Variants in TRDN observed in about 807,000 individuals in gnomAD.
TRDN encodes triadin.
In TRDN, 161 loss-of-function variants were observed where a neutral mutation model predicts 149.7. The ratio of observed to expected loss-of-function variants is 1.08; its 90% confidence interval spans 0.95 to 1.23. The LOEUF is 1.23. Among genes scored for constraint, TRDN ranks in the 50% most tolerant of loss-of-function variants. The probability of loss-of-function intolerance (pLI) is 0.00; values close to 1 mark genes in which losing one functional copy is unlikely to be tolerated. For synonymous variants in TRDN, 294 were observed against 250.5 expected (o/e 1.17, Z -1.64); for missense variants, 896 against 823.5 (o/e 1.09, Z -1.08).
At chr6:123,585,596 G>A (rs1014945155) in intron 1 of TRDN, among the ~76,000 whole-genome samples, 2 of 152,196 alleles carry the variant, frequency 1.3e-5, no homozygotes, top group Non-Finnish European at 2.9e-5. Context: ...GAGTCTGAGA[G>A]CCTTGGGCCA....
chr6:123,353,082 A>G (rs1410763817), intron 20 of TRDN, among the ~76,000 whole-genome samples: 3 of 151,830 alleles, frequency 2.0e-5, no homozygotes, highest in Non-Finnish European at 4.4e-5. Flanking sequence ...TGGGTGCTGT[A>G]CCCCTTTCTC....
At chr6:123,269,795 A>G in intron 31 of TRDN, 54 bp downstream of exon 31, 1 of 1,583,788 alleles carries the variant, frequency 6.3e-7, no homozygotes, top group Non-Finnish European at 8.6e-7. Flanking sequence ...CAAAATTGTT[A>G]AAGCTGAAAT....
chr6:123,440,115 T>A (rs1171180687), intron 10 of TRDN, among the ~76,000 whole-genome samples: 1 of 152,162 alleles, frequency 6.6e-6, no homozygotes, highest in Non-Finnish European at 1.5e-5. Flanking sequence ...AGGAATTAAC[T>A]CATTCCCATA....
At chr6:123,404,578 A>G (rs151278036) in intron 12 of TRDN, among the ~76,000 whole-genome samples, 1,734 of 152,136 alleles carry the variant, frequency 0.011, 30 homozygotes, top group African/African-American at 0.039. Flanking sequence ...CCTCCCAAGT[A>G]GCTGGGATTA....
intron 4 of TRDN, among the ~76,000 whole-genome samples, chr6:123,536,947 AT>A (rs1488049062): frequency 2.1e-4 from 32 of 152,064 alleles, no homozygotes; most frequent in African/African-American, 7.7e-4. Context: ...AGTTTTTTAT[AT>A]TTCAGAAATT....
chr6:123,459,972 T>C (rs1776357706), intron 10 of TRDN, among the ~76,000 whole-genome samples: 1 of 152,186 alleles, frequency 6.6e-6, no homozygotes. Context: ...TAAAATGTGA[T>C]TGTTTAAAAG....
In TRDN at chr6:123,342,234, C is replaced by T. The variant is rs577924850; in HGVS notation, c.1370-4565G>A. On this transcript the variant is annotated intron_variant, in intron 21 of 40. Transcript: ENST00000334268. ...AAAGATATAAAAACATAAAATTAGC[C>T]CTCCTTTATTTGATAAGAAATTAGA... Among the ~76,000 whole-genome samples, 12 of 151,808 alleles carry T rather than the reference C, an allele frequency of 7.9e-5. No individual in the cohort carries two copies. The East Asian group carries it at 2.3e-3, about 29-fold the overall frequency.
chr6:123,465,966 A>C (rs1776779518), intron 9 of TRDN, among the ~76,000 whole-genome samples: 1 of 152,240 alleles, frequency 6.6e-6, no homozygotes, highest in Admixed American at 6.5e-5. Context: ...AAGTAATTAG[A>C]GTTGCACAAA....
rs991092090 is a variant in TRDN, at chr6:123,584,593, C to T, written c.23-13461G>A. On this transcript the variant is annotated intron_variant, in intron 1 of 40. Coordinates refer to ENST00000334268, the MANE Select transcript of TRDN (RefSeq NM_006073.4). ...CACGTGTGTTTTTATGAGATTATGC[C>T]GAGATAGGTAACAGATGAGGATGAA... Among the ~76,000 whole-genome samples the T allele has an allele frequency of 1.5e-4, 23 of 152,076 alleles. No individual in the cohort carries two copies. The East Asian group carries it at 2.1e-3, about 14-fold the overall frequency.
chr6:123,409,715 A>ACACACACACACC (rs35355392), intron 12 of TRDN, among the ~76,000 whole-genome samples: 13 of 151,488 alleles, frequency 8.6e-5, no homozygotes, highest in African/African-American at 3.1e-4. Context: ...ACACACACAC[A>ACACACACACACC]CCCAAAACTC....
At chr6:123,632,801 T>C (rs780256866) in intron 1 of TRDN, among the ~76,000 whole-genome samples, 4 of 151,986 alleles carry the variant, frequency 2.6e-5, no homozygotes, top group Non-Finnish European at 4.4e-5. Flanking sequence ...TCTGTCATGC[T>C]AGATGATATA....
intron 9 of TRDN, among the ~76,000 whole-genome samples, chr6:123,489,315 C>CA (rs1562342590): frequency 6.6e-6 from 1 of 151,604 alleles, no homozygotes; most frequent in Admixed American, 6.6e-5. Context: ...AACTGAGATT[C>CA]AAAAAAACAA....
chr6:123,306,213 CA>C (rs1778604964), intron 24 of TRDN, among the ~76,000 whole-genome samples: 1 of 152,034 alleles, frequency 6.6e-6, no homozygotes, highest in Non-Finnish European at 1.5e-5. Context: ...GGGATCCAGC[CA>C]AATCTGCCCT....
At chr6:123,526,089 A>T (rs149120194) in intron 5 of TRDN, among the ~76,000 whole-genome samples, 1,924 of 152,166 alleles carry the variant, frequency 0.013, 10 homozygotes, top group Middle Eastern at 0.054. Flanking sequence ...GCCATCTGAC[A>T]CATCTACCAA....
intron 37 of TRDN, 75 bp from the exon 38 acceptor site, chr6:123,252,510 A>C: frequency 1.3e-6 from 1 of 743,708 alleles, no homozygotes; most frequent in Admixed American, 2.8e-5. Flanking sequence ...TGGACTTTAT[A>C]AAAATATCTA....
At chr6:123,585,042 C>T (rs1216605186) in intron 1 of TRDN, among the ~76,000 whole-genome samples, 18 of 151,524 alleles carry the variant, frequency 1.2e-4, no homozygotes, top group Admixed American at 3.3e-4. Context: ...GGGATATTGG[C>T]ATTGATTGGA....
At chr6:123,596,495 A>G (rs1784044224) in intron 1 of TRDN, among the ~76,000 whole-genome samples, 1 of 152,166 alleles carries the variant, frequency 6.6e-6, no homozygotes, top group African/African-American at 2.4e-5. Context: ...ATGTGGATGA[A>G]ACAGCCTTAT....
intron 2 of TRDN, among the ~76,000 whole-genome samples, chr6:123,565,819 G>C (rs924485321): frequency 1.3e-5 from 2 of 152,170 alleles, no homozygotes; most frequent in Non-Finnish European, 2.9e-5. Context: ...TGGGGGAAAG[G>C]CGTCAATTTA....
chr6:123,446,278 C>T (rs1233292737), intron 10 of TRDN, among the ~76,000 whole-genome samples: 1 of 151,804 alleles, frequency 6.6e-6, no homozygotes, highest in Non-Finnish European at 1.5e-5. Flanking sequence ...GGAGATATAC[C>T]TAATGCTAGA....
Sources: gnomAD v4.1 joint callset for allele counts (sites outside exome capture counted in the v4.1 genomes callset) on GRCh38, gnomAD v4.1.1 for gene constraint, MANE v1.5 for transcripts, NCBI Gene and HGNC (gene_info 2026-07-23, HGNC 2026-07-21) for gene names.